Variants in UNC79 observed in about 807,000 individuals in gnomAD.
UNC79 encodes protein unc-79 homolog.
In UNC79, 37 loss-of-function variants were observed where a neutral mutation model predicts 283.1. The observed-to-expected ratio is 0.13, with a 90% CI of 0.10 to 0.17. The LOEUF is 0.17. UNC79 is among the 10% of genes least tolerant of loss of function. The pLI, the probability that UNC79 is intolerant of heterozygous loss-of-function variation, is 1.00. For synonymous variants in UNC79, 1,107 were observed against 1,200.2 expected (o/e 0.92, Z 1.61); for missense variants, 2,272 against 3,211.1 (o/e 0.71, Z 7.07).
chr14:93,611,729 G>A (rs150204050), intron 26 of UNC79, among the ~76,000 whole-genome samples: 2 of 152,126 alleles, frequency 1.3e-5, no homozygotes, highest in South Asian at 4.1e-4. Context: ...ACCAAAGCTT[G>A]TCATCATTTA....
chr14:93,365,352 T>TC (rs1486193638), intron 1 of UNC79, among the ~76,000 whole-genome samples: 7 of 130,414 alleles, frequency 5.4e-5, no homozygotes, highest in Admixed American at 9.7e-5. Context: ...GCCACTGCAC[T>TC]CCAGCCTGGG....
Position 93,378,374 on chromosome 14 carries a change from A to G in UNC79, c.-351+44851A>G, listed in dbSNP as rs147149400. 5.2e-3 allele frequency among the ~76,000 whole-genome samples: 786 copies of G among 152,262 alleles called. 1 individual carries two copies. The highest frequency in any genetic ancestry group is 5.9e-3 in the Non-Finnish European group (398 of 68,028). On this transcript the variant is annotated intron_variant, in intron 1 of 49. Transcript: ENST00000256339. ...AGTTGTAAATTTTAACCTTTGGGGA[A>G]CTTCCTACTTGGGATTAGAGACTAT...
At chr14:93,338,679 G>A (rs1042780020) in intron 1 of UNC79, among the ~76,000 whole-genome samples, 1 of 152,156 alleles carries the variant, frequency 6.6e-6, no homozygotes, top group African/African-American at 2.4e-5. Context: ...GGCCCAGGTG[G>A]GTGGATCTCT....
At chr14:93,670,767 G>A (rs1355033254) in intron 40 of UNC79, among the ~76,000 whole-genome samples, 1 of 152,164 alleles carries the variant, frequency 6.6e-6, no homozygotes, top group African/African-American at 2.4e-5. Context: ...CTCTCTAATT[G>A]TGCCTTGGTC....
chr14:93,531,190 C>A lies in UNC79; in HGVS notation c.1094-1360C>A, dbSNP rs2141059558. ...TCATTACTTATACAGACATGTGACACTAACCTCAGATGATTTAAGATAAAC... is the reference window on the plus strand; with the variant it reads ...TCATTACTTATACAGACATGTGACAATAACCTCAGATGATTTAAGATAAAC... On this transcript the variant is annotated intron_variant, in intron 10 of 48. Coordinates refer to ENST00000555664, the Ensembl canonical transcript of UNC79. This position sits in a 1 kb window ranked among gnomAD's most constrained non-coding sequence, Gnocchi z 4.2. 6.6e-6 allele frequency among the ~76,000 whole-genome samples: 1 copy of A among 152,244 alleles called. No individual in the cohort carries two copies. Among genetic ancestry groups the A allele is most frequent in the South Asian group, 2.1e-4 (1 of 4,820 alleles).
In UNC79 at chr14:93,654,274, C is replaced by T. The variant is rs556029874; in HGVS notation, c.6282+249C>T. Among the ~76,000 whole-genome samples, 17 of 152,112 alleles carry T rather than the reference C, an allele frequency of 1.1e-4. 1 individual carries two copies. The highest frequency in any genetic ancestry group is 1.9e-4 in the East Asian group (1 of 5,184). ...GGGAGACTGAGGCAGGAGGATTGCTCGAGGCCAGGAGTTCAAGACTAGCCT... is the reference window on the plus strand; with the variant it reads ...GGGAGACTGAGGCAGGAGGATTGCTTGAGGCCAGGAGTTCAAGACTAGCCT... On this transcript the variant is annotated intron_variant, in intron 37 of 48. Coordinates refer to ENST00000555664, the Ensembl canonical transcript of UNC79.
intron 22 of UNC79, among the ~76,000 whole-genome samples, chr14:93,591,018 C>G (rs1056157719): frequency 3.3e-5 from 5 of 152,180 alleles, no homozygotes; most frequent in African/African-American, 1.2e-4. Flanking sequence ...AAAGCCCACA[C>G]TGGGAGGACA....
intron 1 of UNC79, among the ~76,000 whole-genome samples, chr14:93,340,605 C>G (rs2053687557): frequency 6.7e-6 from 1 of 148,486 alleles, no homozygotes; most frequent in South Asian, 2.1e-4. Flanking sequence ...GGGTATCACT[C>G]TGTTTCCCAG....
chr14:93,599,653 A>G (rs1182336077), intron 24 of UNC79, among the ~76,000 whole-genome samples: 1 of 152,208 alleles, frequency 6.6e-6, no homozygotes, highest in Non-Finnish European at 1.5e-5. Flanking sequence ...GGATGTTTGG[A>G]TGAATTGCAA....
At chr14:93,545,521 A>G (rs147885441) in intron 14 of UNC79, among the ~76,000 whole-genome samples, 2 of 152,158 alleles carry the variant, frequency 1.3e-5, no homozygotes, top group Non-Finnish European at 2.9e-5. Context: ...CAAATATTCT[A>G]AGTTTCCTAG....
chr14:93,486,950 C>T (rs2058472253), intron 4 of UNC79, among the ~76,000 whole-genome samples: 1 of 152,006 alleles, frequency 6.6e-6, no homozygotes, highest in Non-Finnish European at 1.5e-5. Flanking sequence ...GATAAAATGC[C>T]CAGCAACTGT....
At chr14:93,498,928 G>A (rs574296831) in intron 7 of UNC79, among the ~76,000 whole-genome samples, 16 of 152,270 alleles carry the variant, frequency 1.1e-4, no homozygotes, top group Admixed American at 3.3e-4. Flanking sequence ...CCAAGTTATT[G>A]TAGGATTGCA....
chr14:93,457,429 A>G (rs150708675), intron 1 of UNC79, among the ~76,000 whole-genome samples: 1 of 152,366 alleles, frequency 6.6e-6, no homozygotes, highest in African/African-American at 2.4e-5. Context: ...GGAAATGGGT[A>G]CAGCTAAGCT....
chr14:93,665,389 A>C (rs1051345653), intron 40 of UNC79, among the ~76,000 whole-genome samples: 1 of 151,852 alleles, frequency 6.6e-6, no homozygotes, highest in Non-Finnish European at 1.5e-5. Flanking sequence ...AATTACCTAG[A>C]ATTCAGAAGA....
At chr14:93,643,973 A>G (rs1005919681) in intron 34 of UNC79, among the ~76,000 whole-genome samples, 7 of 152,234 alleles carry the variant, frequency 4.6e-5, no homozygotes, top group African/African-American at 1.7e-4. Flanking sequence ...TAAATGAGCT[A>G]ATGGTTGTAA....
upstream of UNC79, among the ~76,000 whole-genome samples, chr14:93,427,795 G>C (rs1317825630): frequency 1.3e-5 from 2 of 151,892 alleles, no homozygotes; most frequent in Non-Finnish European, 2.9e-5. Flanking sequence ...CACAAATTTA[G>C]AATAATTTTT....
exon 29 of UNC79, chr14:93,618,248 A>G (rs889176251): frequency 6.2e-7 from 1 of 1,613,970 alleles, no homozygotes; most frequent in Non-Finnish European, 8.5e-7. Flanking sequence ...TTCACATAAC[A>G]GTCAATACAC....
intron 1 of UNC79, among the ~76,000 whole-genome samples, chr14:93,362,280 T>C (rs950576503): frequency 2.6e-5 from 4 of 152,184 alleles, no homozygotes; most frequent in Admixed American, 2.0e-4. Flanking sequence ...CTTCTTTATA[T>C]GTCTGGTATA....
exon 13 of UNC79, chr14:93,540,783 T>A: frequency 6.2e-7 from 1 of 1,613,622 alleles, no homozygotes; most frequent in Non-Finnish European, 8.5e-7. Context: ...ACAAGGACGA[T>A]GATAAACACG....
Sources: gnomAD v4.1 joint callset for allele counts (sites outside exome capture counted in the v4.1 genomes callset) on GRCh38, gnomAD v4.1.1 for gene constraint, Gnocchi (gnomAD v3.1) non-coding constraint, MANE v1.5 for transcripts, NCBI Gene and HGNC (gene_info 2026-07-23, HGNC 2026-07-21) for gene names.